The following PCDH9 variants were observed in gnomAD, a reference collection of about 807,000 sequenced individuals.
PCDH9 encodes the protein protocadherin 9, also known as protocadherin-9.
PCDH9 carries 24 observed loss-of-function variants against 70.6 expected under a neutral mutation model. That is an observed-to-expected ratio of 0.34 (90% confidence interval 0.25 to 0.48). The LOEUF (loss-of-function observed/expected upper bound fraction) is 0.48. Among genes scored for constraint, PCDH9 ranks in the 20% least tolerant of loss-of-function variants. The pLI, the probability that PCDH9 is intolerant of heterozygous loss-of-function variation, is 0.99. For missense variants in PCDH9, 1,281 were observed against 1,503.6 expected, an observed-to-expected ratio of 0.85 and a Z score of 2.45; for synonymous variants, 562 against 558.5, an observed-to-expected ratio of 1.01 and a Z score of -0.09.
At position 67,225,648 on chromosome 13, in the gene PCDH9, G is replaced by A. The variant is rs958161385; in HGVS notation, c.2793C>T (p.Asn931=). ...TGTAGTGCTTGGCCAGGTCAGGACT[G>A]TTAGGCTTGAATGTTGTTGGAGGTG... ...GPAPPTTFKP[N]SPDLAKHYKS... is the part of the protein sequence containing the mutation. Residue 931 remains asparagine (N), a synonymous_variant, in exon 2 of 5, where the codon AAC becomes AAT. Coordinates refer to ENST00000377865, the MANE Select transcript of PCDH9 (RefSeq NM_203487.3). 6.2e-7 allele frequency: 1 copy of A among 1,614,136 alleles called. No individual in the cohort carries two copies.
intron 4 of PCDH9, among the ~76,000 whole-genome samples, chr13:66,382,065 C>T (rs1021365286): frequency 2.6e-5 from 4 of 151,536 alleles, no homozygotes; most frequent in African/African-American, 7.3e-5. Context: ...ATTTATTCTA[C>T]AAAGAAGTTG....
rs756278246 is a variant in PCDH9 at position 67,227,121 on chromosome 13, A to C, written c.1320T>G (p.Val440=). 6.2e-7 allele frequency: 1 copy of C among 1,614,052 alleles called. No homozygotes were observed. The highest frequency in any genetic ancestry group is 8.5e-7 in the Non-Finnish European group (1 of 1,179,924). ...AACTGGGCTTCCCAGAATCAGAGGCAACAATTTTAAAGCTGAATTCTTTGG... is the reference window on the plus strand; with the variant it reads ...AACTGGGCTTCCCAGAATCAGAGGCCACAATTTTAAAGCTGAATTCTTTGG... ...EGTKEFSFKI[V]ASDSGKPSLN... Residue 440 remains valine, a synonymous_variant, in exon 2 of 5, where the codon GTT becomes GTG. Transcript: ENST00000377865. The surrounding 1 kb of genome is among the most constrained non-coding windows in gnomAD (Gnocchi z 4.6).
intron 3 of PCDH9, among the ~76,000 whole-genome samples, chr13:66,702,017 T>C (rs1440318746): frequency 1.3e-5 from 2 of 152,186 alleles, no homozygotes; most frequent in Non-Finnish European, 2.9e-5. Context: ...ATGCCCTTCG[T>C]CGGAAAGCTG....
At chr13:66,513,027 C>T (rs942113546) in intron 4 of PCDH9, among the ~76,000 whole-genome samples, 1 of 152,012 alleles carries the variant, frequency 6.6e-6, no homozygotes, top group Non-Finnish European at 1.5e-5. Flanking sequence ...CCATGTTCCG[C>T]AAGCTGGTCT....
At chr13:67,004,041 G>GA (rs1430816767) in intron 2 of PCDH9, among the ~76,000 whole-genome samples, 1 of 152,004 alleles carries the variant, frequency 6.6e-6, no homozygotes, top group African/African-American at 2.4e-5. Context: ...ACTGAGAAGA[G>GA]AAAAATGCCT....
chr13:66,919,121 TA>T (rs2082601211), intron 2 of PCDH9, among the ~76,000 whole-genome samples: 1 of 151,326 alleles, frequency 6.6e-6, no homozygotes, highest in Non-Finnish European at 1.5e-5. Context: ...TTGGTTATTT[TA>T]TCTTCTCACT....
intron 4 of PCDH9, among the ~76,000 whole-genome samples, chr13:66,385,635 T>C (rs1956915464): frequency 6.6e-6 from 1 of 152,190 alleles, no homozygotes; most frequent in African/African-American, 2.4e-5. Flanking sequence ...CCGGAACTTT[T>C]GTATTTTTTC....
chr13:66,921,444 T>C (rs1349092051), intron 2 of PCDH9, among the ~76,000 whole-genome samples: 2 of 151,196 alleles, frequency 1.3e-5, no homozygotes, highest in Admixed American at 6.6e-5. Context: ...CCTTATCCAG[T>C]TGACAAAACT....
intron 2 of PCDH9, among the ~76,000 whole-genome samples, chr13:66,945,262 C>T (rs1056756423): frequency 2.0e-5 from 3 of 151,962 alleles, no homozygotes; most frequent in African/African-American, 7.3e-5. Flanking sequence ...ATTTGTCTCC[C>T]TCACACTCCC....
intron 3 of PCDH9, among the ~76,000 whole-genome samples, chr13:66,723,823 G>T (rs1453361464): frequency 2.0e-5 from 3 of 152,206 alleles, no homozygotes; most frequent in Non-Finnish European, 4.4e-5. Flanking sequence ...GCACTGGAGA[G>T]CCCAGAACCA....
At chr13:67,080,118 G>A (rs1227857492) in intron 2 of PCDH9, among the ~76,000 whole-genome samples, 3 of 152,152 alleles carry the variant, frequency 2.0e-5, no homozygotes, top group African/African-American at 7.2e-5. Flanking sequence ...GGAACTTCTT[G>A]AGATTGTGTG....
chr13:66,543,621 C>A (rs1195932515), intron 4 of PCDH9, among the ~76,000 whole-genome samples: 2 of 151,728 alleles, frequency 1.3e-5, no homozygotes, highest in South Asian at 2.1e-4. Context: ...TAGTAAAATT[C>A]TTTCCAGTTT....
intron 3 of PCDH9, among the ~76,000 whole-genome samples, chr13:66,731,839 A>G (rs1221210905): frequency 6.6e-6 from 1 of 152,058 alleles, no homozygotes; most frequent in Non-Finnish European, 1.5e-5. Context: ...AATTTAAAGT[A>G]TTTTGTATCA....
chr13:66,910,403 T>G (rs2082440793), intron 2 of PCDH9, among the ~76,000 whole-genome samples: 1 of 152,214 alleles, frequency 6.6e-6, no homozygotes, highest in Non-Finnish European at 1.5e-5. Context: ...GTGCACTTAG[T>G]TGTTGCAAGT....
chr13:66,539,267 C>T (rs1421294302), intron 4 of PCDH9, among the ~76,000 whole-genome samples: 4 of 152,146 alleles, frequency 2.6e-5, no homozygotes, highest in Middle Eastern at 3.4e-3. Context: ...ATTGAAGTTA[C>T]CATTTACATC....
At chr13:67,198,747 AATTT>A (rs1256328216) in intron 2 of PCDH9, among the ~76,000 whole-genome samples, 1 of 151,902 alleles carries the variant, frequency 6.6e-6, no homozygotes, top group African/African-American at 2.4e-5. Flanking sequence ...GATAATTCTG[AATTT>A]ATTTATGTGT....
At chr13:66,990,376 A>G (rs2083976502) in intron 2 of PCDH9, among the ~76,000 whole-genome samples, 1 of 151,766 alleles carries the variant, frequency 6.6e-6, no homozygotes, top group Non-Finnish European at 1.5e-5. Flanking sequence ...GCTCAAAAGA[A>G]TATAACATTT....
At chr13:66,828,551 T>C (rs866294757) in intron 3 of PCDH9, among the ~76,000 whole-genome samples, 1 of 152,132 alleles carries the variant, frequency 6.6e-6, no homozygotes, top group African/African-American at 2.4e-5. Flanking sequence ...TCATAAATCA[T>C]CCTGGAAAAG....
At chr13:66,519,718 C>T (rs1329599624) in intron 4 of PCDH9, among the ~76,000 whole-genome samples, 1 of 151,978 alleles carries the variant, frequency 6.6e-6, no homozygotes, top group African/African-American at 2.4e-5. Context: ...GGCTTGTTAC[C>T]CACATTTGCA....
Sources: allele counts gnomAD v4.1 joint callset (sites outside exome capture counted in the v4.1 genomes callset), GRCh38; gene constraint gnomAD v4.1.1; non-coding constraint Gnocchi (gnomAD v3.1); transcripts MANE v1.5; gene names NCBI Gene and HGNC (gene_info 2026-07-23, HGNC 2026-07-21).